Variants in FREM3 observed in about 807,000 individuals in gnomAD.
The protein encoded by FREM3 is FRAS1 related extracellular matrix 3.
Under a neutral mutation model 129.1 loss-of-function variants are expected in FREM3, and 105 were observed. That is an observed-to-expected ratio of 0.81 (90% confidence interval 0.69 to 0.96). The LOEUF is 0.96. Ranked by LOEUF, FREM3 falls within the 40% of genes least tolerant of loss-of-function variation. FREM3 has a pLI of 0.00. For synonymous variants in FREM3, 1,014 were observed against 1,044.9 expected, an observed-to-expected ratio of 0.97 and a Z score of 0.57; for missense variants, 2,593 against 2,666.3, an observed-to-expected ratio of 0.97 and a Z score of 0.61.
chr4:143,617,756 C>T (rs1323420190), intron 5 of FREM3, among the ~76,000 whole-genome samples: 1 of 152,192 alleles, frequency 6.6e-6, no homozygotes, highest in Non-Finnish European at 1.5e-5. Context: ...TTCTCCTTAG[C>T]TAGCTGATCA....
intron 6 of FREM3, among the ~76,000 whole-genome samples, chr4:143,605,338 G>A (rs547438920): frequency 5.3e-5 from 8 of 151,950 alleles, no homozygotes; most frequent in Admixed American, 6.6e-5. Flanking sequence ...TAGATATTAA[G>A]GCTTTTACTT....
At chr4:143,685,491 A>G (rs1740344110) in intron 2 of FREM3, among the ~76,000 whole-genome samples, 1 of 152,238 alleles carries the variant, frequency 6.6e-6, no homozygotes, top group African/African-American at 2.4e-5. Context: ...AGGAACTGCT[A>G]AAAGTACCTC....
intron 7 of FREM3, among the ~76,000 whole-genome samples, chr4:143,581,637 C>A (rs1738144545): frequency 1.3e-5 from 2 of 152,066 alleles, no homozygotes; most frequent in South Asian, 4.1e-4. Flanking sequence ...AACAAAGAGT[C>A]TGAGGGCTTT....
intron 2 of FREM3, among the ~76,000 whole-genome samples, chr4:143,647,542 C>T (rs990309152): frequency 6.6e-6 from 1 of 152,180 alleles, no homozygotes; most frequent in Non-Finnish European, 1.5e-5. Context: ...TTTGTGTGGT[C>T]TTGGGACTTG....
intron 2 of FREM3, among the ~76,000 whole-genome samples, chr4:143,641,754 A>T (rs188959659): frequency 1.3e-5 from 2 of 152,302 alleles, no homozygotes; most frequent in Admixed American, 6.5e-5. Context: ...GTTAAATAAA[A>T]AGCTTCCACT....
intron 2 of FREM3, among the ~76,000 whole-genome samples, 172 bp from the exon 3 acceptor site, chr4:143,627,932 C>A (rs1294105071): frequency 6.6e-6 from 1 of 152,094 alleles, no homozygotes; most frequent in Non-Finnish European, 1.5e-5. Context: ...TAGAGGATGT[C>A]ATGAGTGGCA....
chr4:143,592,837 C>G (rs1472879555), intron 6 of FREM3, among the ~76,000 whole-genome samples: 1 of 152,158 alleles, frequency 6.6e-6, no homozygotes, highest in African/African-American at 2.4e-5. Context: ...AGAGTGTTTT[C>G]CAACTTGGTT....
chr4:143,699,880 G>A lies in FREM3; in HGVS notation c.796C>T (p.Pro266Ser), dbSNP rs1013018938. Residue 266 changes from proline to serine, a missense_variant, in exon 1 of 8, where the codon CCC (proline) becomes TCC (serine). Pro to Ser is a moderately conservative substitution (Grantham distance 74). Coordinates refer to ENST00000329798, the MANE Select transcript of FREM3 (RefSeq NM_001168235.2). This position sits in a 1 kb window ranked among gnomAD's most constrained non-coding sequence, Gnocchi z 4.2. ...ATSSPNRDYV[P>S]MMVELLGPEG... ...GGCCCCAGCAGCTCCACCATCATGG[G>A]CACGTAGTCACGGTTGGGCGAGGAG... is the stretch of plus-strand genomic sequence containing the variant. The A allele has an allele frequency of 1.3e-6, 2 of 1,536,642 alleles. No individual in the cohort carries two copies. The highest frequency in any genetic ancestry group is 1.7e-4 in the Middle Eastern group (1 of 6,012).
chr4:143,578,707 T>C (rs529220923), intron 7 of FREM3, among the ~76,000 whole-genome samples: 1 of 152,300 alleles, frequency 6.6e-6, no homozygotes, highest in Admixed American at 6.5e-5. Flanking sequence ...TACCTGAATC[T>C]AATTATGAAA....
At chr4:143,693,763 A>G (rs1331235613) in intron 1 of FREM3, among the ~76,000 whole-genome samples, 1 of 152,238 alleles carries the variant, frequency 6.6e-6, no homozygotes, top group Non-Finnish European at 1.5e-5. Context: ...AATCCTATGC[A>G]GCCATTAAAA....
chr4:143,700,281 T>G lies in FREM3; in HGVS notation c.395A>C (p.His132Pro). 1.3e-6 allele frequency: 2 copies of G among 1,536,138 alleles called. No individual in the cohort carries two copies. Among genetic ancestry groups the G allele is most frequent in the Non-Finnish European group, 1.7e-6 (2 of 1,146,690 alleles). Residue 132 changes from histidine (H) to proline (P), a missense_variant, in exon 1 of 8, where the codon CAC (histidine) becomes CCC (proline). Physicochemically the swap from His to Pro is moderately conservative, Grantham distance 77. This residue lies in a region of FREM3 where 2,276 missense variants were observed against 2,267.2 expected (regional missense o/e 1.00). Coordinates refer to ENST00000329798, the MANE Select transcript of FREM3 (RefSeq NM_001168235.2). ...RQVQYTHFGS[H>P]SPGRARVLLQ... ...CAGCACCCGGGCGCGTCCGGGGCTG[T>G]GGGAGCCGAAGTGAGTGTACTGGAC...
At chr4:143,598,506 T>C (rs1029538103) in intron 6 of FREM3, among the ~76,000 whole-genome samples, 1 of 152,152 alleles carries the variant, frequency 6.6e-6, no homozygotes, top group African/African-American at 2.4e-5. Flanking sequence ...CAGAAGCCAG[T>C]GTTCTGTGCA....
chr4:143,587,438 T>C (rs538589145), intron 6 of FREM3, among the ~76,000 whole-genome samples: 21 of 152,288 alleles, frequency 1.4e-4, no homozygotes, highest in Admixed American at 8.5e-4. Flanking sequence ...GGTAGGGTCA[T>C]TCTTTCTTTT....
At chr4:143,676,410 T>C (rs1250745789) in intron 2 of FREM3, among the ~76,000 whole-genome samples, 2 of 152,290 alleles carry the variant, frequency 1.3e-5, no homozygotes, top group African/African-American at 4.8e-5. Context: ...TAAGAGCTAT[T>C]CATGACAGAC....
At position 143,696,621 on chromosome 4, in the gene FREM3, T is replaced by C; in HGVS notation, c.4055A>G (p.Gln1352Arg). 6.5e-7 allele frequency: 1 copy of C among 1,537,796 alleles called. No individual in the cohort carries two copies. Among genetic ancestry groups the C allele is most frequent in the Non-Finnish European group, 8.7e-7 (1 of 1,147,018 alleles). The change falls in exon 1 of 8, where the codon CAA (glutamine) becomes CGA (arginine). Residue 1352 changes from glutamine (Q) to arginine (R), a missense_variant. This residue lies in a region of FREM3 where 2,276 missense variants were observed against 2,267.2 expected (regional missense o/e 1.00). Transcript: ENST00000329798. ...TTTTCTCAGCCTCTGTAGAAGCCCT[T>C]GTTGAGGCCCAGAATGGAGGACAAA... ...LSFVLHSGPQ[Q>R]GLLQRLRKPR...
At chr4:143,602,686 G>T (rs996560856) in intron 6 of FREM3, among the ~76,000 whole-genome samples, 1 of 152,066 alleles carries the variant, frequency 6.6e-6, no homozygotes, top group Non-Finnish European at 1.5e-5. Flanking sequence ...GTCAAGCTTG[G>T]GCTTAAAGGA....
At chr4:143,673,575 G>C (rs1740044911) in intron 2 of FREM3, among the ~76,000 whole-genome samples, 1 of 152,226 alleles carries the variant, frequency 6.6e-6, no homozygotes, top group African/African-American at 2.4e-5. Flanking sequence ...TCCGTTCTCA[G>C]ATCTCAAACT....
chr4:143,597,097 G>A (rs1188583043), intron 6 of FREM3, among the ~76,000 whole-genome samples: 1 of 152,114 alleles, frequency 6.6e-6, no homozygotes, highest in Admixed American at 6.6e-5. Flanking sequence ...AAGACCGAGT[G>A]ACAGGAGCCC....
chr4:143,592,048 G>A lies in FREM3; in HGVS notation c.6029-6055C>T, dbSNP rs529568263. Reference sequence around the variant, plus strand: ...TTGGTTTAACATCTGTTTTATCAGAGACTAGGATTGCAACCCCTGCCTTTT... The same window carrying A: ...TTGGTTTAACATCTGTTTTATCAGAAACTAGGATTGCAACCCCTGCCTTTT... On this transcript the variant is annotated intron_variant, in intron 6 of 7. Coordinates refer to ENST00000329798, the MANE Select transcript of FREM3 (RefSeq NM_001168235.2). Among the ~76,000 whole-genome samples, 634 of 152,236 alleles carry A rather than the reference G, an allele frequency of 4.2e-3. 4 individuals carry two copies. Among genetic ancestry groups the A allele is most frequent in the Non-Finnish European group, 6.7e-3 (458 of 67,994 alleles).
Sources: allele counts gnomAD v4.1 joint callset (sites outside exome capture counted in the v4.1 genomes callset), GRCh38; gene constraint gnomAD v4.1.1; regional missense constraint gnomAD v4.1.1; non-coding constraint Gnocchi (gnomAD v3.1); transcripts MANE v1.5; gene names NCBI Gene and HGNC (gene_info 2026-07-23, HGNC 2026-07-21).